KIF13A: variants seen among roughly 807,000 people sequenced by gnomAD.
The protein encoded by KIF13A is kinesin-like protein KIF13A.
In KIF13A, 79 loss-of-function variants were observed where a neutral mutation model predicts 212.2. That is an observed-to-expected ratio of 0.37 (90% CI 0.31 to 0.45). The LOEUF (loss-of-function observed/expected upper bound fraction) is 0.45, where lower values mean the gene tolerates loss of function less well. KIF13A is among the 20% of genes least tolerant of loss of function. The pLI is 1.00. For synonymous variants in KIF13A, 789 were observed against 808.6 expected (o/e 0.98, Z 0.41); for missense variants, 1,901 against 2,209.0 (o/e 0.86, Z 2.79).
At position 17,897,180 on chromosome 6, in the gene KIF13A, A is replaced by G. The variant is rs1197822105; in HGVS notation, c.159+988T>C. Among the ~76,000 whole-genome samples, 1 of 152,220 alleles carries G rather than the reference A, an allele frequency of 6.6e-6. No individual in the cohort carries two copies. The highest frequency in any genetic ancestry group is 1.5e-5 in the Non-Finnish European group (1 of 68,034). The stretch of plus-strand genomic sequence containing the variant: ...AGTACAAGGTATACAGCAGCATTTT[A>G]ATGGGTTTCCATAATCCAAGAGCTA... On this transcript the variant is annotated intron_variant, in intron 3 of 38. Coordinates refer to ENST00000259711, the MANE Select transcript of KIF13A (RefSeq NM_022113.6). The surrounding 1 kb of genome is among the most constrained non-coding windows in gnomAD (Gnocchi z 4.8).
At chr6:17,866,466 A>T (rs1362403564) in intron 4 of KIF13A, among the ~76,000 whole-genome samples, 1 of 152,134 alleles carries the variant, frequency 6.6e-6, no homozygotes, top group East Asian at 1.9e-4. Flanking sequence ...CATACATGTC[A>T]TTAACTAACA....
intron 20 of KIF13A, 52 bp downstream of exon 20, chr6:17,804,304 TAAAAC>T (rs1336659019): frequency 4.1e-5 from 59 of 1,424,104 alleles, no homozygotes; most frequent in Non-Finnish European, 5.1e-5. Flanking sequence ...AAAAACAAAA[TAAAAC>T]AAAACAAAAA....
chr6:17,929,050 A>G (rs1775738487), intron 2 of KIF13A, among the ~76,000 whole-genome samples: 1 of 137,784 alleles, frequency 7.3e-6, no homozygotes, highest in Admixed American at 7.3e-5. Flanking sequence ...TCAAAAGAAA[A>G]GAATTTCTCA....
chr6:17,952,687 T>C (rs1217813011), intron 2 of KIF13A, among the ~76,000 whole-genome samples: 1 of 151,850 alleles, frequency 6.6e-6, no homozygotes, highest in African/African-American at 2.4e-5. Context: ...TCCCAGCACT[T>C]TGGGAGGCTG....
chr6:17,967,248 T>C lies in KIF13A; in HGVS notation c.146+19806A>G, dbSNP rs1438090126. Among the ~76,000 whole-genome samples, 1 of 152,230 alleles carries C rather than the reference T, an allele frequency of 6.6e-6. No individual in the cohort carries two copies. Among genetic ancestry groups the C allele is most frequent in the African/African-American group, 2.4e-5 (1 of 41,464 alleles). On this transcript the variant is annotated intron_variant, in intron 2 of 38. Transcript: ENST00000259711. The surrounding 1 kb of genome is among the most constrained non-coding windows in gnomAD (Gnocchi z 4.1). ...GCTACCGCCTCAAGGCAATATGCAATTGCTGTGTTTTCATAATCTTAAAAA... is the reference window on the plus strand; with the variant it reads ...GCTACCGCCTCAAGGCAATATGCAACTGCTGTGTTTTCATAATCTTAAAAA...
intron 2 of KIF13A, among the ~76,000 whole-genome samples, chr6:17,927,686 C>A (rs79877638): frequency 6.6e-6 from 1 of 152,136 alleles, no homozygotes; most frequent in African/African-American, 2.4e-5. Context: ...TATTTTGCCA[C>A]AATAAAAATA....
intron 20 of KIF13A, among the ~76,000 whole-genome samples, chr6:17,803,711 T>G (rs895449455): frequency 6.6e-6 from 1 of 152,138 alleles, no homozygotes; most frequent in Non-Finnish European, 1.5e-5. Flanking sequence ...GGAACTAGAG[T>G]ATATCGCAAA....
chr6:17,793,274 G>C (rs563152043), intron 25 of KIF13A, among the ~76,000 whole-genome samples: 1 of 151,998 alleles, frequency 6.6e-6, no homozygotes, highest in East Asian at 2.0e-4. Flanking sequence ...TAGAGACGGC[G>C]TTTTGCCATG....
chr6:17,933,082 C>T (rs965946387), intron 2 of KIF13A, among the ~76,000 whole-genome samples: 4 of 152,076 alleles, frequency 2.6e-5, no homozygotes, highest in African/African-American at 7.2e-5. Context: ...TCTGTGACCT[C>T]GGCCATATCC....
intron 2 of KIF13A, among the ~76,000 whole-genome samples, chr6:17,972,833 G>GAA (rs34095609): frequency 2.8e-4 from 32 of 113,290 alleles, no homozygotes; most frequent in Admixed American, 5.6e-4. Flanking sequence ...GAGAGAGTGA[G>GAA]AAAAAAAAAA....
Position 17,850,142 on chromosome 6 carries a change from A to T in KIF13A, c.717+181T>A, listed in dbSNP as rs980863919. ...GCACCAGGCCAAAATCCAATTTTTTAAAAAGTCAAATATAAAGAAAGACCT... is the reference window on the plus strand; with the variant it reads ...GCACCAGGCCAAAATCCAATTTTTTTAAAAGTCAAATATAAAGAAAGACCT... On this transcript the variant is annotated intron_variant, in intron 8 of 38. Coordinates refer to ENST00000259711, the MANE Select transcript of KIF13A (RefSeq NM_022113.6). The surrounding 1 kb of genome is among the most constrained non-coding windows in gnomAD (Gnocchi z 6.2). Among the ~76,000 whole-genome samples the T allele has an allele frequency of 6.6e-6, 1 of 152,196 alleles. No individual in the cohort carries two copies. Among genetic ancestry groups the T allele is most frequent in the Non-Finnish European group, 1.5e-5 (1 of 68,040 alleles).
rs1157752095 is a variant in KIF13A, at chr6:17,837,858, C to T, written c.831-275G>A. 6.6e-6 allele frequency among the ~76,000 whole-genome samples: 1 copy of T among 152,040 alleles called. No homozygotes were observed. The highest frequency in any genetic ancestry group is 1.5e-5 in the Non-Finnish European group (1 of 68,010). On this transcript the variant is annotated intron_variant, in intron 9 of 38. Coordinates refer to ENST00000259711, the MANE Select transcript of KIF13A (RefSeq NM_022113.6). This position sits in a 1 kb window ranked among gnomAD's most constrained non-coding sequence, Gnocchi z 5.4. The stretch of plus-strand genomic sequence containing the variant: ...ATCCCAGCTACTTGGGAGGCTGAAG[C>T]AGGAGAATCTCTGGAACCCGGGAGT...
chr6:17,911,828 G>A (rs765908951), intron 2 of KIF13A, among the ~76,000 whole-genome samples: 1 of 150,002 alleles, frequency 6.7e-6, no homozygotes, highest in East Asian at 2.0e-4. Context: ...ACAGTAATGC[G>A]ATCTTGACTC....
intron 18 of KIF13A, among the ~76,000 whole-genome samples, chr6:17,807,385 C>T (rs1291794175): frequency 6.6e-6 from 1 of 152,024 alleles, no homozygotes; most frequent in Non-Finnish European, 1.5e-5. Flanking sequence ...AACGGCCGCT[C>T]TGGGAATGTC....
rs924066442 is a variant in KIF13A at position 17,967,402 on chromosome 6, G to A, written c.146+19652C>T. On this transcript the variant is annotated intron_variant, in intron 2 of 38. Transcript: ENST00000259711. The surrounding 1 kb of genome is among the most constrained non-coding windows in gnomAD (Gnocchi z 4.1). ...TTATATTTTCAAAGTGTTCAACAGT[G>A]AATGGGCATCACATTTATAATTAGA... Among the ~76,000 whole-genome samples, 49 of 152,106 alleles carry A rather than the reference G, an allele frequency of 3.2e-4. No homozygotes were observed. Among genetic ancestry groups the A allele is most frequent in the African/African-American group, 1.1e-3 (46 of 41,410 alleles).
At chr6:17,790,951 GC>G (rs1433529486) in intron 25 of KIF13A, among the ~76,000 whole-genome samples, 1 of 152,090 alleles carries the variant, frequency 6.6e-6, no homozygotes, top group Non-Finnish European at 1.5e-5. Context: ...AAAACATTTG[GC>G]AAAACAAAGT....
rs909117708 is a variant in KIF13A, at chr6:17,898,274, A to T, written c.147-94T>A. On this transcript the variant is annotated intron_variant, in intron 2 of 38. Coordinates refer to ENST00000259711, the MANE Select transcript of KIF13A (RefSeq NM_022113.6). The surrounding 1 kb of genome is among the most constrained non-coding windows in gnomAD (Gnocchi z 5.2). The stretch of plus-strand genomic sequence containing the variant: ...GAGGGAAACAATGAAAGAGAAAAAA[A>T]TAAGGTAAATTCAGCACCTTGATAA... The T allele has an allele frequency of 8.9e-6, 11 of 1,240,912 alleles. No individual in the cohort carries two copies. In the Admixed American group the frequency reaches 1.2e-4, roughly 14 times the overall value. The allele number at this position is 1,240,912 out of a possible 1,614,324, so 76.9% of individuals were successfully genotyped here.
intron 38 of KIF13A, among the ~76,000 whole-genome samples, chr6:17,766,649 G>C (rs1759016816): frequency 6.6e-6 from 1 of 151,972 alleles, no homozygotes; most frequent in African/African-American, 2.4e-5. Flanking sequence ...CAAACTCCTG[G>C]GCTCAAGCAA....
At chr6:17,939,566 G>A (rs918555660) in intron 2 of KIF13A, among the ~76,000 whole-genome samples, 1 of 152,128 alleles carries the variant, frequency 6.6e-6, no homozygotes, top group African/African-American at 2.4e-5. Flanking sequence ...ATTCCCAGGA[G>A]GTTAGGCATT....
Sources: allele counts gnomAD v4.1 joint callset (sites outside exome capture counted in the v4.1 genomes callset), GRCh38; gene constraint gnomAD v4.1.1; non-coding constraint Gnocchi (gnomAD v3.1); transcripts MANE v1.5; gene names NCBI Gene and HGNC (gene_info 2026-07-23, HGNC 2026-07-21).